BHMT: variants seen among roughly 807,000 people sequenced by gnomAD.
BHMT encodes the protein betaine--homocysteine S-methyltransferase.
BHMT carries 38 observed loss-of-function variants against 49.5 expected under a neutral mutation model. That is an observed-to-expected ratio of 0.77 (90% CI 0.59 to 1.01). BHMT has a LOEUF of 1.01. Ranked by LOEUF, BHMT falls within the 50% of genes least tolerant of loss-of-function variation. The probability of loss-of-function intolerance (pLI) is 0.00; values close to 1 mark genes in which losing one functional copy is unlikely to be tolerated. For synonymous variants in BHMT, 166 were observed against 176.3 expected (o/e 0.94, Z 0.46); for missense variants, 426 against 495.7 (o/e 0.86, Z 1.34).
chr5:79,117,452 C>G (rs373010202), intron 2 of BHMT, among the ~76,000 whole-genome samples: 1 of 151,962 alleles, frequency 6.6e-6, no homozygotes, highest in Non-Finnish European at 1.5e-5. Flanking sequence ...GTTTGAAGCC[C>G]GCTAATTTAG....
Position 79,124,593 on chromosome 5 carries a change from A to G in BHMT, c.626-1453A>G, listed in dbSNP as rs147604189. Among the ~76,000 whole-genome samples, 593 of 152,324 alleles carry G rather than the reference A, an allele frequency of 3.9e-3. 6 individuals carry two copies. The highest frequency in any genetic ancestry group is 0.014 in the African/African-American group (572 of 41,576). On this transcript the variant is annotated intron_variant, in intron 5 of 7. Transcript: ENST00000274353. The stretch of plus-strand genomic sequence containing the variant: ...GGAGGAAACTTCCAAAATCATGTCT[A>G]GTGATTGCCATGGTAAATCATCTGT...
intron 5 of BHMT, among the ~76,000 whole-genome samples, chr5:79,124,030 C>T (rs528635758): frequency 6.6e-6 from 1 of 152,008 alleles, no homozygotes; most frequent in South Asian, 2.1e-4. Context: ...TAAACTAAGC[C>T]ACTCACAAAA....
chr5:79,114,116 T>C (rs1013710210), intron 1 of BHMT, among the ~76,000 whole-genome samples: 1 of 147,208 alleles, frequency 6.8e-6, no homozygotes, highest in African/African-American at 2.5e-5. Flanking sequence ...TATATATGTA[T>C]ACATATATAT....
Position 79,121,457 on chromosome 5 carries a change from G to A in BHMT, c.625+92G>A, listed in dbSNP as rs971413848. 3.5e-6 allele frequency: 5 copies of A among 1,427,076 alleles called. No homozygotes were observed. The African/African-American group carries it at 4.3e-5, about 12-fold the overall frequency. The allele number at this position is 1,427,076 out of a possible 1,614,324, so 88.4% of individuals were successfully genotyped here. ...CTACAAATCAGTGTATACTACTTTCGTTAACATAAAAACCATTAATTTATT... is the reference window on the plus strand; with the variant it reads ...CTACAAATCAGTGTATACTACTTTCATTAACATAAAAACCATTAATTTATT... On this transcript the variant is annotated intron_variant, in intron 5 of 7. Transcript: ENST00000274353.
At chr5:79,127,286 G>A (rs1004030021) in intron 6 of BHMT, among the ~76,000 whole-genome samples, 3 of 152,156 alleles carry the variant, frequency 2.0e-5, no homozygotes, top group Non-Finnish European at 2.9e-5. Context: ...GCTGTCTGTT[G>A]ACTGGGGGCC....
intron 3 of BHMT, among the ~76,000 whole-genome samples, chr5:79,119,851 TG>T (rs967648136): frequency 1.2e-4 from 19 of 152,354 alleles, no homozygotes; most frequent in African/African-American, 4.1e-4. Flanking sequence ...GGGAGCTTTT[TG>T]TTTGTTGAGC....
chr5:79,117,097 T>C (rs1439380191), intron 2 of BHMT, among the ~76,000 whole-genome samples: 2 of 152,198 alleles, frequency 1.3e-5, no homozygotes, highest in African/African-American at 4.8e-5. Context: ...ATCACTGCAG[T>C]TTTAGAAGCA....
rs898579220 is a variant in BHMT, at chr5:79,127,358, A to G, written c.809-397A>G. Among the ~76,000 whole-genome samples the G allele has an allele frequency of 5.9e-5, 9 of 152,310 alleles. No homozygotes were observed. The South Asian group carries it at 6.2e-4, about 11-fold the overall frequency. On this transcript the variant is annotated intron_variant, in intron 6 of 7. Transcript: ENST00000274353. ...CTAGAAAACATGCTTGAAACATGTG[A>G]TGCTTGCAACATGGCAGCTGGCTTT...
At chr5:79,129,607 T>C (rs1481020016) in intron 7 of BHMT, among the ~76,000 whole-genome samples, 1 of 152,140 alleles carries the variant, frequency 6.6e-6, no homozygotes, top group African/African-American at 2.4e-5. Flanking sequence ...ATTAGCAAGT[T>C]AGCAAGTTGT....
At chr5:79,114,039 T>C (rs1756347248) in intron 1 of BHMT, among the ~76,000 whole-genome samples, 4 of 151,030 alleles carry the variant, frequency 2.6e-5, no homozygotes, top group Admixed American at 6.6e-5. Flanking sequence ...TCATATCTCA[T>C]TTAAGTGACC....
intron 3 of BHMT, among the ~76,000 whole-genome samples, chr5:79,119,772 T>A (rs1756439766): frequency 6.6e-6 from 1 of 152,202 alleles, no homozygotes; most frequent in South Asian, 2.1e-4. Context: ...TTTGTGATGT[T>A]GAACCAACCC....
chr5:79,113,689 T>C (rs1399216771), intron 1 of BHMT, among the ~76,000 whole-genome samples: 3 of 152,214 alleles, frequency 2.0e-5, no homozygotes, highest in East Asian at 3.8e-4. Flanking sequence ...ATATACTGTT[T>C]TGTAATACTT....
Position 79,126,060 on chromosome 5 carries a change from G to T in BHMT, c.640G>T (p.Gly214Cys). The change falls in exon 6 of 8, where the codon GGT becomes TGT. Residue 214 changes from glycine (G) to cysteine (C), a missense_variant. Gly to Cys is a radical substitution (Grantham distance 159). Transcript: ENST00000274353. ...CCCACTCACAGGAGCATCCATCATT[G>T]GTGTGAACTGCCACTTTGACCCCAC... ...RLVKAGASII[G>C]VNCHFDPTIS... The T allele has an allele frequency of 6.2e-7, 1 of 1,603,984 alleles. No homozygotes were observed. Among genetic ancestry groups the T allele is most frequent in the Non-Finnish European group, 8.5e-7 (1 of 1,171,550 alleles).
intron 2 of BHMT, among the ~76,000 whole-genome samples, chr5:79,117,496 T>A (rs1384247452): frequency 6.6e-6 from 1 of 152,202 alleles, no homozygotes; most frequent in Non-Finnish European, 1.5e-5. Context: ...GAACTTTCTA[T>A]GATTTAAAAA....
In BHMT at chr5:79,131,527, T is replaced by A. The variant is rs1561257355; in HGVS notation, c.*411T>A. On this transcript the variant is annotated 3_prime_UTR_variant, in exon 8 of 8. Transcript: ENST00000274353. ...GCTATGGAAAGGGGCTTCCAAGTTC[T>A]TTTGAACATGACCCTTAGTAACAAA... 1 of 154,922 alleles carries A rather than the reference T, an allele frequency of 6.5e-6. No homozygotes were observed. Among genetic ancestry groups the A allele is most frequent in the Non-Finnish European group, 1.4e-5 (1 of 69,964 alleles). The allele number at this position is 154,922 out of a possible 1,614,324, so 9.6% of individuals were successfully genotyped here. A position where few individuals can be genotyped will look rare whatever the true frequency, so the allele number is the denominator to read the frequency against.
intron 4 of BHMT, 50 bp from the exon 5 acceptor site, chr5:79,121,168 T>G (rs776001620): frequency 6.4e-7 from 1 of 1,568,408 alleles, no homozygotes; most frequent in Non-Finnish European, 8.6e-7. Context: ...AAAAAAAAAT[T>G]GTTTTGGGAG....
At chr5:79,118,664 A>G (rs983853638) in intron 2 of BHMT, among the ~76,000 whole-genome samples, 2 of 152,186 alleles carry the variant, frequency 1.3e-5, no homozygotes, top group Non-Finnish European at 2.9e-5. Flanking sequence ...CAGCCACTCA[A>G]GGTACTTGTC....
chr5:79,130,880 C>T, intron 7 of BHMT, 53 bp from the exon 8 acceptor site: 1 of 1,444,830 alleles, frequency 6.9e-7, no homozygotes, highest in Non-Finnish European at 9.2e-7. Context: ...GATATAAAGA[C>T]CAAAGCTAGG....
chr5:79,120,558 T>C lies in BHMT; in HGVS notation c.477+17T>C. 1 of 1,598,958 alleles carries C rather than the reference T, an allele frequency of 6.3e-7. No individual in the cohort carries two copies. Among genetic ancestry groups the C allele is most frequent in the Non-Finnish European group, 8.5e-7 (1 of 1,174,078 alleles). ...ATTGCAGAGGTAAAGAAAGATGTGG[T>C]GAAAGATAAGACAAATACACCTAGT... On this transcript the variant is annotated intron_variant, in intron 4 of 7. Transcript: ENST00000274353.
Sources: gnomAD v4.1 joint callset for allele counts (sites outside exome capture counted in the v4.1 genomes callset) on GRCh38, gnomAD v4.1.1 for gene constraint, MANE v1.5 for transcripts, NCBI Gene and HGNC (gene_info 2026-07-23, HGNC 2026-07-21) for gene names.